SUPT20H: variants seen among roughly 807,000 people sequenced by gnomAD.
The protein encoded by SUPT20H is SPT20 homolog, SAGA complex component.
Under a neutral mutation model 122.8 loss-of-function variants are expected in SUPT20H, and 82 were observed. The ratio of observed to expected loss-of-function variants is 0.67; its 90% CI spans 0.56 to 0.80. The LOEUF (loss-of-function observed/expected upper bound fraction) is 0.80. Among genes scored for constraint, SUPT20H ranks in the 30% least tolerant of loss-of-function variants. The pLI is 0.00. For missense variants in SUPT20H, 831 were observed against 921.6 expected, an observed-to-expected ratio of 0.90 and a Z score of 1.27; for synonymous variants, 291 against 313.0, an observed-to-expected ratio of 0.93 and a Z score of 0.74.
Position 37,048,559 on chromosome 13 carries a change from C to T in SUPT20H, c.39+5G>A. 6.3e-7 allele frequency: 1 copy of T among 1,591,818 alleles called. No homozygotes were observed. The highest frequency in any genetic ancestry group is 1.2e-5 in the South Asian group (1 of 86,012). ...ATTTCAATATGTAACTTAGTCACAC[C>T]TCACCTCTGCACGATCCAAAGCTAG... On this transcript the variant is annotated splice_donor_5th_base_variant and intron_variant, in intron 3 of 25. Coordinates refer to ENST00000350612, the MANE Select transcript of SUPT20H (RefSeq NM_001014286.3).
intron 12 of SUPT20H, among the ~76,000 whole-genome samples, chr13:37,030,483 G>A (rs2063106430): frequency 6.6e-6 from 1 of 152,128 alleles, no homozygotes; most frequent in Non-Finnish European, 1.5e-5. Flanking sequence ...AGTAGATTTT[G>A]AGTAGGGCTT....
At chr13:37,021,658 A>G in intron 20 of SUPT20H, 56 bp from the exon 21 acceptor site, 23 of 1,526,742 alleles carry the variant, frequency 1.5e-5, no homozygotes, top group Non-Finnish European at 1.9e-5. Flanking sequence ...AAAATCAGCC[A>G]CACAATTCCT....
intron 24 of SUPT20H, among the ~76,000 whole-genome samples, chr13:37,011,487 A>G (rs2059617843): frequency 6.6e-6 from 1 of 152,216 alleles, no homozygotes; most frequent in Non-Finnish European, 1.5e-5. Flanking sequence ...CCACAGTGAT[A>G]AGATGCTGAC....
chr13:37,019,990 C>T (rs980077319), intron 21 of SUPT20H, among the ~76,000 whole-genome samples: 2 of 152,068 alleles, frequency 1.3e-5, no homozygotes, highest in South Asian at 2.1e-4. Flanking sequence ...GGGTGACAAA[C>T]GTTTTCAATA....
intron 15 of SUPT20H, among the ~76,000 whole-genome samples, 181 bp from the exon 16 acceptor site, chr13:37,026,417 T>C (rs980598550): frequency 1.3e-5 from 2 of 152,120 alleles, no homozygotes; most frequent in African/African-American, 4.8e-5. Flanking sequence ...AATGACTAAG[T>C]TTTGCATGCA....
chr13:37,025,529 AAAAG>A, intron 16 of SUPT20H, 92 bp from the exon 17 acceptor site: 3 of 782,388 alleles, frequency 3.8e-6, no homozygotes, highest in South Asian at 3.5e-5. Context: ...ATTAATGGCA[AAAAG>A]AAAGTTCTAT....
chr13:37,044,049 A>C (rs1366812880), intron 7 of SUPT20H, 29 bp downstream of exon 7: 1 of 1,460,860 alleles, frequency 6.8e-7, no homozygotes, highest in African/African-American at 1.4e-5. Context: ...AACAAATATA[A>C]AGACATTTTA....
intron 13 of SUPT20H, among the ~76,000 whole-genome samples, chr13:37,028,701 C>T (rs1322727572): frequency 1.3e-5 from 2 of 151,844 alleles, no homozygotes; most frequent in African/African-American, 4.8e-5. Context: ...ACTGTTATTA[C>T]CTCCGTATTA....
chr13:37,043,843 T>C (rs1476827533), intron 7 of SUPT20H, among the ~76,000 whole-genome samples: 1 of 150,556 alleles, frequency 6.6e-6, no homozygotes, highest in African/African-American at 2.4e-5. Flanking sequence ...CAAGTGATCC[T>C]CCTGCCTTAG....
intron 14 of SUPT20H, among the ~76,000 whole-genome samples, chr13:37,027,043 G>T (rs1446780745): frequency 1.3e-5 from 2 of 151,928 alleles, no homozygotes; most frequent in African/African-American, 4.8e-5. Context: ...TCACCCTTGT[G>T]TTCTACAAAA....
In SUPT20H at chr13:37,024,077, T is replaced by G. The variant is rs768762893; in HGVS notation, c.1549A>C (p.Met517Leu). 7 of 1,613,504 alleles carry G rather than the reference T, an allele frequency of 4.3e-6. No homozygotes were observed. Among genetic ancestry groups the G allele is most frequent in the Non-Finnish European group, 5.9e-6 (7 of 1,179,732 alleles). ...GGTGATAGGGCAGCTGGAGAAAGCA[T>G]GCTAACTTGATTGAGATCCACAGAT... ...KSSVDLNQVS[M>L]LSPAALSPAS... Residue 517 changes from methionine to leucine, a missense_variant, in exon 19 of 26, where the codon ATG becomes CTG. Transcript: ENST00000350612.
intron 6 of SUPT20H, among the ~76,000 whole-genome samples, chr13:37,044,738 G>T (rs1047229528): frequency 1.3e-5 from 2 of 151,996 alleles, no homozygotes; most frequent in African/African-American, 4.8e-5. Context: ...TAACAGAAAT[G>T]TTCATATTCA....
At chr13:37,012,379 A>G (rs2139040717) in intron 23 of SUPT20H, 82 bp from the exon 24 acceptor site, 1 of 1,121,908 alleles carries the variant, frequency 8.9e-7, no homozygotes, top group Non-Finnish European at 1.3e-6. Flanking sequence ...ATTTTTTCCT[A>G]TATGAAAGAA....
Position 37,022,604 on chromosome 13 carries a change from C to G in SUPT20H, c.1592-524G>C. 1 of 1,107,386 alleles carries G rather than the reference C, an allele frequency of 9.0e-7. No homozygotes were observed. Among genetic ancestry groups the G allele is most frequent in the South Asian group, 4.3e-5 (1 of 23,432 alleles). 68.6% of individuals were successfully genotyped at this position (1,107,386 alleles called of 1,614,324 possible). A position where few individuals can be genotyped will look rare whatever the true frequency, so the allele number is the denominator to read the frequency against. On this transcript the variant is annotated intron_variant, in intron 19 of 25. Transcript: ENST00000350612. This position sits in a 1 kb window ranked among gnomAD's most constrained non-coding sequence, Gnocchi z 4.5. ...CAATACCCATTTAAAAGTTAGTTTC[C>G]TACATGCTGCCTTTGGCCTAAAAAG...
In SUPT20H at chr13:37,029,659, G is replaced by A. The variant is rs1476182759; in HGVS notation, c.993+106C>T. The A allele has an allele frequency of 4.4e-6, 4 of 914,150 alleles. No individual in the cohort carries two copies. In the African/African-American group the frequency reaches 7.0e-5, roughly 16 times the overall value. The allele number at this position is 914,150 out of a possible 1,614,324, so 56.6% of individuals were successfully genotyped here. On this transcript the variant is annotated intron_variant, in intron 13 of 25. Coordinates refer to ENST00000350612, the MANE Select transcript of SUPT20H (RefSeq NM_001014286.3). ...AACTCGCAGAAACTAATTTAAAAAA[G>A]AAAAAAGGTCCCAAACTAATGGCAA...
intron 25 of SUPT20H, 116 bp from the exon 26 acceptor site, chr13:37,009,925 A>G: frequency 7.1e-7 from 1 of 1,400,512 alleles, no homozygotes; most frequent in Middle Eastern, 2.1e-4. Flanking sequence ...CCAAGATAAC[A>G]AAAAGGGACT....
chr13:37,014,411 C>T (rs1593841282), intron 23 of SUPT20H, among the ~76,000 whole-genome samples: 1 of 152,032 alleles, frequency 6.6e-6, no homozygotes, highest in South Asian at 2.1e-4. Context: ...TGGAACACTC[C>T]TAACAGCAGA....
chr13:37,043,366 G>C (rs541148265), intron 7 of SUPT20H, among the ~76,000 whole-genome samples: 1 of 152,276 alleles, frequency 6.6e-6, no homozygotes, highest in Non-Finnish European at 1.5e-5. Flanking sequence ...GCAGTAAGAA[G>C]AAAGTAGAAC....
chr13:37,033,173 T>C (rs564644595), intron 10 of SUPT20H, among the ~76,000 whole-genome samples: 58 of 151,258 alleles, frequency 3.8e-4, no homozygotes, highest in Non-Finnish European at 7.5e-4. Context: ...ATATATAATA[T>C]GAGACCATTA....
Sources: gnomAD v4.1 joint callset for allele counts (sites outside exome capture counted in the v4.1 genomes callset) on GRCh38, gnomAD v4.1.1 for gene constraint, Gnocchi (gnomAD v3.1) non-coding constraint, MANE v1.5 for transcripts, NCBI Gene and HGNC (gene_info 2026-07-23, HGNC 2026-07-21) for gene names.